LPGAT1: variants seen among roughly 807,000 people sequenced by gnomAD.
LPGAT1 encodes acyl-CoA:lysophosphatidylglycerol acyltransferase 1.
In LPGAT1, 11 loss-of-function variants were observed where a neutral mutation model predicts 47.5. The observed-to-expected ratio is 0.23, with a 90% CI of 0.15 to 0.38. LPGAT1 has a LOEUF of 0.38. LPGAT1 is among the 10% of genes least tolerant of loss of function. The pLI is 1.00. For missense variants in LPGAT1, 293 were observed against 439.0 expected (o/e 0.67, Z 2.97); for synonymous variants, 138 against 144.2 (o/e 0.96, Z 0.31).
At chr1:211,788,091 A>C (rs111998670) in intron 3 of LPGAT1, among the ~76,000 whole-genome samples, 3,600 of 152,348 alleles carry the variant, frequency 0.024, 64 homozygotes, top group Non-Finnish European at 0.03. Flanking sequence ...AAAATGGTTA[A>C]GTTATCAAAC....
chr1:211,821,116 T>A lies in LPGAT1; in HGVS notation c.238+7943A>T, dbSNP rs188282038. On this transcript the variant is annotated intron_variant, in intron 2 of 7. Transcript: ENST00000366997. The stretch of plus-strand genomic sequence containing the variant: ...ACTAAAAATACAAAAATTAGCTGGG[T>A]GTGGTGGTGCATGCCTGTAATCCCA... 3.3e-5 allele frequency among the ~76,000 whole-genome samples: 5 copies of A among 152,022 alleles called. No individual in the cohort carries two copies. In the East Asian group the frequency reaches 9.7e-4, roughly 29 times the overall value.
rs1656993692 is a variant in LPGAT1 at position 211,747,567 on chromosome 1, G to A, written c.*2332C>T. The A allele has an allele frequency of 1.3e-5, 2 of 152,196 alleles. No individual in the cohort carries two copies. The highest frequency in any genetic ancestry group is 1.3e-4 in the Admixed American group (2 of 15,280). 9.4% of individuals were successfully genotyped at this position (152,196 alleles called of 1,614,324 possible). On this transcript the variant is annotated 3_prime_UTR_variant, in exon 8 of 8. Coordinates refer to ENST00000366997, the MANE Select transcript of LPGAT1 (RefSeq NM_014873.3). ...CATGTTCGCATTTATTTTTGGATAG[G>A]AGAACTGGTCACTCTACCCTGTGGC...
intron 3 of LPGAT1, among the ~76,000 whole-genome samples, chr1:211,789,914 T>C (rs1223022835): frequency 6.6e-6 from 1 of 150,496 alleles, no homozygotes; most frequent in Admixed American, 6.6e-5. Flanking sequence ...ACACAATTAA[T>C]CCTTTGTTTC....
chr1:211,791,476 G>A (rs545454048), intron 3 of LPGAT1, among the ~76,000 whole-genome samples: 19 of 152,240 alleles, frequency 1.2e-4, no homozygotes, highest in African/African-American at 4.6e-4. Context: ...ATTGTTTATG[G>A]CTCATGCCTG....
intron 6 of LPGAT1, among the ~76,000 whole-genome samples, chr1:211,755,037 C>T (rs1345369101): frequency 2.0e-4 from 24 of 118,308 alleles, no homozygotes; most frequent in African/African-American, 8.6e-4. Context: ...AAGACTCCGT[C>T]TCCAAAAAAA....
At chr1:211,759,412 T>C (rs897216002) in intron 6 of LPGAT1, among the ~76,000 whole-genome samples, 3 of 152,166 alleles carry the variant, frequency 2.0e-5, no homozygotes, top group African/African-American at 7.2e-5. Context: ...ATAAGATTTG[T>C]AGTGATATCC....
intron 1 of LPGAT1, chr1:211,829,869 C>CT (rs5780661): frequency 0.32 from 290,590 of 907,472 alleles, 32,716 homozygotes; most frequent in East Asian, 0.69. Context: ...TTTTGTTTCC[C>CT]TTTTTTTTTT....
chr1:211,808,342 C>A, intron 2 of LPGAT1, among the ~76,000 whole-genome samples: 1 of 120,682 alleles, frequency 8.3e-6, no homozygotes. Context: ...AAGGGCGAAA[C>A]TCCGTCTCAA....
At chr1:211,775,931 CAAA>C (rs201006748) in intron 6 of LPGAT1, among the ~76,000 whole-genome samples, 4 of 77,254 alleles carry the variant, frequency 5.2e-5, no homozygotes, top group Admixed American at 2.7e-4. Flanking sequence ...AATGCCATCT[CAAA>C]AAAAAAAAAA....
chr1:211,750,589 G>T (rs1657135299), intron 7 of LPGAT1, among the ~76,000 whole-genome samples: 1 of 152,070 alleles, frequency 6.6e-6, no homozygotes, highest in Non-Finnish European at 1.5e-5. Context: ...CAAATTTTTT[G>T]TCAAAAAAGT....
rs911679786 is a variant in LPGAT1, at chr1:211,744,142, A to G, written c.*5757T>C. Reference sequence around the variant, plus strand: ...TTTCCTACCCTTTAAAGCCCTGGCCAGGGTCAGTGATAGGAATTTCCTGAG... The same window carrying G: ...TTTCCTACCCTTTAAAGCCCTGGCCGGGGTCAGTGATAGGAATTTCCTGAG... On this transcript the variant is annotated 3_prime_UTR_variant, in exon 8 of 8. Coordinates refer to ENST00000366997, the MANE Select transcript of LPGAT1 (RefSeq NM_014873.3). 1 of 150,352 alleles carries G rather than the reference A, an allele frequency of 6.7e-6. No homozygotes were observed. Among genetic ancestry groups the G allele is most frequent in the Non-Finnish European group, 1.5e-5 (1 of 67,274 alleles). 9.3% of individuals were successfully genotyped at this position (150,352 alleles called of 1,614,324 possible).
At chr1:211,829,492 C>T (rs1660651173) in intron 1 of LPGAT1, 169 bp from the exon 2 acceptor site, 1 of 1,430,966 alleles carries the variant, frequency 7.0e-7, no homozygotes, top group Non-Finnish European at 9.1e-7. Flanking sequence ...GGACAGAGAG[C>T]GAGGGAGGAG....
intron 6 of LPGAT1, 99 bp from the exon 7 acceptor site, chr1:211,751,166 T>G (rs1335774281): frequency 2.4e-5 from 19 of 778,770 alleles, no homozygotes; most frequent in Admixed American, 5.8e-5. Flanking sequence ...AAAATTGTGT[T>G]GTCATCTTTT....
rs1658714035 is a variant in LPGAT1, at chr1:211,783,210, A to T, written c.727+19T>A. The T allele has an allele frequency of 6.3e-7, 1 of 1,576,152 alleles. No homozygotes were observed. Among genetic ancestry groups the T allele is most frequent in the African/African-American group, 1.4e-5 (1 of 73,686 alleles). On this transcript the variant is annotated intron_variant, in intron 5 of 7. Transcript: ENST00000366997. ...TCCTTTAACTCCAACAAGGTAAAAA[A>T]TGCTAAAAACCATCATACCTAATTC...
chr1:211,805,425 T>A (rs1571751246), intron 2 of LPGAT1, among the ~76,000 whole-genome samples: 1 of 152,314 alleles, frequency 6.6e-6, no homozygotes, highest in Middle Eastern at 3.4e-3. Flanking sequence ...AATGGTTGTA[T>A]GGATACAAGC....
At chr1:211,816,484 A>C (rs865948727) in intron 2 of LPGAT1, among the ~76,000 whole-genome samples, 2 of 152,248 alleles carry the variant, frequency 1.3e-5, no homozygotes, top group South Asian at 4.1e-4. Context: ...TATTTTATTC[A>C]GACTACGGCC....
At chr1:211,780,175 C>T (rs1372438571) in intron 5 of LPGAT1, among the ~76,000 whole-genome samples, 1 of 152,124 alleles carries the variant, frequency 6.6e-6, no homozygotes, top group East Asian at 1.9e-4. Flanking sequence ...GAAACTCCAT[C>T]TCAAAAAGAT....
Position 211,744,939 on chromosome 1 carries a change from AACAC to A in LPGAT1, c.*4956_*4959del, listed in dbSNP as rs977163649. The A allele has an allele frequency of 2.2e-4, 33 of 152,768 alleles. No homozygotes were observed. The highest frequency in any genetic ancestry group is 6.3e-4 in the African/African-American group (26 of 41,572). 9.5% of individuals were successfully genotyped at this position (152,768 alleles called of 1,614,324 possible). On this transcript the variant is annotated 3_prime_UTR_variant, in exon 8 of 8. Coordinates refer to ENST00000366997, the MANE Select transcript of LPGAT1 (RefSeq NM_014873.3). The stretch of plus-strand genomic sequence containing the variant: ...ATTAATGCCCAAATAGCTCTGGTAA[AACAC>A]ACATGCCCCATCCCCACTGCTAAGA...
At chr1:211,827,940 C>A (rs1660590151) in intron 2 of LPGAT1, among the ~76,000 whole-genome samples, 1 of 152,216 alleles carries the variant, frequency 6.6e-6, no homozygotes. Context: ...TCTGGGGCAA[C>A]TGAGAATACT....
Sources: allele counts gnomAD v4.1 joint callset (sites outside exome capture counted in the v4.1 genomes callset), GRCh38; gene constraint gnomAD v4.1.1; transcripts MANE v1.5; gene names NCBI Gene and HGNC (gene_info 2026-07-23, HGNC 2026-07-21).